ABITRAM: variants seen among roughly 807,000 people sequenced by gnomAD.
The protein encoded by ABITRAM is actin binding transcription modulator, also known as protein Abitram.
In ABITRAM, 19 loss-of-function variants were observed where a neutral mutation model predicts 22.9. The observed-to-expected ratio is 0.83, with a 90% CI of 0.58 to 1.22. The LOEUF (loss-of-function observed/expected upper bound fraction) is 1.22. ABITRAM is among the 50% of genes most tolerant of loss of function. The pLI, the probability that ABITRAM is intolerant of heterozygous loss-of-function variation, is 0.00. For missense variants in ABITRAM, 215 were observed against 220.2 expected (o/e 0.98, Z 0.15); for synonymous variants, 70 against 73.9 (o/e 0.95, Z 0.27).
intron 3 of ABITRAM, among the ~76,000 whole-genome samples, chr9:108,947,850 A>G (rs1426328391): frequency 2.6e-5 from 4 of 152,240 alleles, no homozygotes; most frequent in Non-Finnish European, 5.9e-5. Flanking sequence ...GAAGAGGCCA[A>G]AAATCTTTCT....
intron 3 of ABITRAM, 39 bp from the exon 4 acceptor site, chr9:108,939,157 T>C: frequency 1.9e-6 from 3 of 1,564,114 alleles, no homozygotes; most frequent in Non-Finnish European, 2.6e-6. Context: ...AAAGTGGAAA[T>C]GTCCATCAAC....
At chr9:108,943,478 G>A (rs924022793), downstream of ABITRAM, among the ~76,000 whole-genome samples, 1 of 152,158 alleles carries the variant, frequency 6.6e-6, no homozygotes, top group African/African-American at 2.4e-5. Flanking sequence ...AAGGGCAGCT[G>A]TTCAGTGCTA....
In ABITRAM at chr9:108,948,759, G is replaced by A. The variant is rs146069857; in HGVS notation, c.262-1748G>A. 3.9e-5 allele frequency among the ~76,000 whole-genome samples: 6 copies of A among 152,234 alleles called. No individual in the cohort carries two copies. The East Asian group carries it at 1.2e-3, about 29-fold the overall frequency. On this transcript the variant is annotated intron_variant, in intron 3 of 3. Transcript: ENST00000374624. ...ACTCTCATCAGAAGATTGAGGAACA[G>A]CAGATTAAAAACTACCAAGAAGAAT...
At chr9:108,944,060 A>G (rs1238980754), downstream of ABITRAM, 2 of 1,523,380 alleles carry the variant, frequency 1.3e-6, no homozygotes, top group African/African-American at 1.4e-5. Context: ...ACTGATGTCT[A>G]TGGATAGTTG....
At chr9:108,936,170 A>G in intron 2 of ABITRAM, 138 bp from the exon 3 acceptor site, 1 of 870,830 alleles carries the variant, frequency 1.1e-6, no homozygotes, top group Admixed American at 2.5e-5. Flanking sequence ...TTATGCCCCA[A>G]TAGTAGCCAA....
intron 3 of ABITRAM, among the ~76,000 whole-genome samples, chr9:108,949,435 C>T (rs1328345474): frequency 4.6e-5 from 7 of 152,146 alleles, no homozygotes; most frequent in Non-Finnish European, 7.4e-5. Context: ...TGGCCAAGCG[C>T]GGTGGCTCAT....
At chr9:108,935,916 T>C in intron 2 of ABITRAM, 4 of 552,362 alleles carry the variant, frequency 7.2e-6, no homozygotes, top group South Asian at 4.3e-5. Context: ...AACATCCAAA[T>C]GGAGGACCAC....
At chr9:108,950,387 T>C (rs144772037) in intron 3 of ABITRAM, 23,828 of 1,098,918 alleles carry the variant, frequency 0.022, 331 homozygotes, top group Non-Finnish European at 0.025. Context: ...TTAAGAACAA[T>C]GGAAGGAAAC....
downstream of ABITRAM, chr9:108,943,088 C>T (rs763868096): frequency 2.0e-6 from 3 of 1,482,486 alleles, no homozygotes; most frequent in Non-Finnish European, 2.8e-6. Flanking sequence ...AAAAGTAGTA[C>T]TTAAAAGACC....
At chr9:108,937,837 AT>A (rs397688246) in intron 3 of ABITRAM, among the ~76,000 whole-genome samples, 1 of 150,556 alleles carries the variant, frequency 6.6e-6, no homozygotes, top group African/African-American at 2.4e-5. Context: ...AAAAAAAAAA[AT>A]TTTTTTTTAA....
chr9:108,944,540 A>G (rs1158949761), downstream of ABITRAM, among the ~76,000 whole-genome samples: 1 of 152,196 alleles, frequency 6.6e-6, no homozygotes, highest in African/African-American at 2.4e-5. Flanking sequence ...ACTATTCACC[A>G]TGTACCATGA....
At chr9:108,943,833 C>T, downstream of ABITRAM, 1 of 1,609,296 alleles carries the variant, frequency 6.2e-7, no homozygotes, top group East Asian at 2.2e-5. Context: ...TGTAATTTAA[C>T]AAGTTATAAC....
At chr9:108,948,592 G>T (rs1830471801) in intron 3 of ABITRAM, among the ~76,000 whole-genome samples, 1 of 152,120 alleles carries the variant, frequency 6.6e-6, no homozygotes, top group African/African-American at 2.4e-5. Context: ...ATGGAAAGAG[G>T]ATCAAACCAA....
Position 108,934,570 on chromosome 9 carries a change from G to C in ABITRAM, c.79+5G>C. ...TCACTCGCTGGTACAAACCGGGTAA[G>C]TGCGGAGTGATGTTGATCCCTCCTT... On this transcript the variant is annotated splice_donor_5th_base_variant and intron_variant, in intron 1 of 5. Transcript: ENST00000322940. 6.2e-7 allele frequency: 1 copy of C among 1,601,118 alleles called. No individual in the cohort carries two copies. The highest frequency in any genetic ancestry group is 2.3e-5 in the East Asian group (1 of 43,804).
chr9:108,940,274 A>G lies in ABITRAM; in HGVS notation c.*588A>G, dbSNP rs1176902579. On this transcript the variant is annotated 3_prime_UTR_variant, in exon 6 of 6. Coordinates refer to ENST00000322940, the MANE Select transcript of ABITRAM (RefSeq NM_017832.4). ...GTATATGTGGAAGTTCCTGGAACCAATCCCCTATGTAAACCAAGGGATAAC... is the reference window on the plus strand; with the variant it reads ...GTATATGTGGAAGTTCCTGGAACCAGTCCCCTATGTAAACCAAGGGATAAC... 6.6e-6 allele frequency: 1 copy of G among 152,264 alleles called. No homozygotes were observed. Among genetic ancestry groups the G allele is most frequent in the Non-Finnish European group, 1.5e-5 (1 of 68,082 alleles). The allele number at this position is 152,264 out of a possible 1,614,324, so 9.4% of individuals were successfully genotyped here. A position where few individuals can be genotyped will look rare whatever the true frequency, so the allele number is the denominator to read the frequency against.
Position 108,936,438 on chromosome 9 carries a change from G to GT in ABITRAM, c.261+2dup. ...CAAGGTCTCTGGGAAATTTAAGCGG[G>GT]TATGTTCCTGTAATTCTGTGATTAT... On this transcript the variant is annotated splice_donor_variant, in intron 3 of 5. Transcript: ENST00000322940. LOFTEE classifies it high-confidence loss of function. 1.2e-6 allele frequency: 2 copies of GT among 1,612,634 alleles called. No homozygotes were observed. Among genetic ancestry groups the GT allele is most frequent in the Non-Finnish European group, 8.5e-7 (1 of 1,179,370 alleles).
At position 108,936,325 on chromosome 9, in the gene ABITRAM, T is replaced by C. The variant is rs375430911; in HGVS notation, c.149T>C (p.Leu50Ser). The change falls in exon 3 of 6, where the codon TTG (leucine) becomes TCG (serine). Residue 50 changes from leucine to serine, a missense_variant. Coordinates refer to ENST00000322940, the MANE Select transcript of ABITRAM (RefSeq NM_017832.4). ...QHSNRICVITLAESHPVLQSG... is the reference protein window; with the variant it reads ...QHSNRICVITSAESHPVLQSG... ...CCTTGTAGAATATGTGTCATCACATTGGCAGAATCTCATCCAGTTCTTCAA... is the reference window on the plus strand; with the variant it reads ...CCTTGTAGAATATGTGTCATCACATCGGCAGAATCTCATCCAGTTCTTCAA... 46 of 1,613,458 alleles carry C rather than the reference T, an allele frequency of 2.9e-5. No individual in the cohort carries two copies. Among genetic ancestry groups the C allele is most frequent in the Non-Finnish European group, 3.7e-5 (44 of 1,179,876 alleles).
downstream of ABITRAM, chr9:108,942,543 G>A (rs977041096): frequency 4.9e-5 from 27 of 547,118 alleles, no homozygotes; most frequent in Non-Finnish European, 8.3e-5. Flanking sequence ...TTAGTGCAAT[G>A]TTCTATTTTA....
rs74741569 is a variant in ABITRAM, at chr9:108,938,026, C to A, written c.262-1170C>A. Among the ~76,000 whole-genome samples the A allele has an allele frequency of 2.6e-3, 393 of 151,570 alleles. 2 individuals carry two copies. The highest frequency in any genetic ancestry group is 8.9e-3 in the African/African-American group (370 of 41,344). ...AAAAAAAAAAAAAAAAGTAACACTC[C>A]TGTTACAAGTGAAGAACAGAGAGGG... On this transcript the variant is annotated intron_variant, in intron 3 of 5. Transcript: ENST00000322940.
Sources: allele counts gnomAD v4.1 joint callset (sites outside exome capture counted in the v4.1 genomes callset), GRCh38; gene constraint gnomAD v4.1.1; transcripts MANE v1.5; gene names NCBI Gene and HGNC (gene_info 2026-07-23, HGNC 2026-07-21).